The following HTR2C variants were observed in gnomAD, a reference collection of about 807,000 sequenced individuals.
HTR2C encodes the protein 5-hydroxytryptamine (serotonin) receptor 2C, G protein-coupled.
Under a neutral mutation model 21.0 loss-of-function variants are expected in HTR2C, and 5 were observed. The ratio of observed to expected loss-of-function variants is 0.24; its 90% confidence interval spans 0.12 to 0.50. The LOEUF (loss-of-function observed/expected upper bound fraction) is 0.50, where lower values mean the gene tolerates loss of function less well. Among genes scored for constraint, HTR2C ranks in the 20% least tolerant of loss-of-function variants. The pLI, the probability that HTR2C is intolerant of heterozygous loss-of-function variation, is 0.98. For missense variants in HTR2C, 271 were observed against 371.2 expected, an observed-to-expected ratio of 0.73 and a Z score of 2.22; for synonymous variants, 150 against 145.3, an observed-to-expected ratio of 1.03 and a Z score of -0.23.
At chrX:114,738,076 T>A (rs2069608586) in intron 4 of HTR2C, among the ~76,000 whole-genome samples, 1 of 111,696 alleles carries the variant, frequency 9.0e-6, no homozygotes, top group African/African-American at 3.3e-5. Flanking sequence ...AAACTCAAAG[T>A]TGTAGAAGCA....
At position 114,659,380 on chromosome X, in the gene HTR2C, A is replaced by G. The variant is rs782700897; in HGVS notation, c.-80+45499A>G. 2.5e-4 allele frequency among the ~76,000 whole-genome samples: 28 copies of G among 111,751 alleles called. 1 individual carries two copies. The highest frequency in any genetic ancestry group is 1.5e-3 in the Admixed American group (16 of 10,443). ...AAGTAATCAAGGTTATAACAGTGAC[A>G]GTTTTTATGCTCATCCCATCTCCTC... On this transcript the variant is annotated intron_variant, in intron 2 of 5. Coordinates refer to ENST00000276198, the MANE Select transcript of HTR2C (RefSeq NM_000868.4).
chrX:114,845,495 A>G (rs2070866885), intron 4 of HTR2C, among the ~76,000 whole-genome samples: 1 of 111,204 alleles, frequency 9.0e-6, no homozygotes, highest in Non-Finnish European at 1.9e-5. Flanking sequence ...AACTCACAAA[A>G]TAACTGAAAT....
At position 114,882,501 on chromosome X, in the gene HTR2C, G is replaced by A. The variant is rs138061846; in HGVS notation, c.551-24088G>A. Among the ~76,000 whole-genome samples, 304 of 110,774 alleles carry A rather than the reference G, an allele frequency of 2.7e-3. 2 individuals carry two copies. The highest frequency in any genetic ancestry group is 4.8e-3 in the Non-Finnish European group (250 of 52,381). ...TTTCATAAACGCCCTTTACCAAGTT[G>A]ATGAGTTTCCTTCTATTTCTATGTT... is the stretch of plus-strand genomic sequence containing the variant. On this transcript the variant is annotated intron_variant, in intron 5 of 5. Coordinates refer to ENST00000276198, the MANE Select transcript of HTR2C (RefSeq NM_000868.4).
chrX:114,626,509 C>T (rs782136088), intron 2 of HTR2C, among the ~76,000 whole-genome samples: 1 of 112,178 alleles, frequency 8.9e-6, no homozygotes, highest in Admixed American at 9.4e-5. Flanking sequence ...CACCAGGTGG[C>T]TACAGAGTTA....
chrX:114,703,336 A>G (rs1414773002), intron 2 of HTR2C, among the ~76,000 whole-genome samples: 7 of 110,149 alleles, frequency 6.4e-5, no homozygotes, highest in Admixed American at 4.9e-4. Flanking sequence ...CAAATGTAAA[A>G]GAACAGAAAT....
At chrX:114,750,825 A>G (rs1225850276) in intron 4 of HTR2C, among the ~76,000 whole-genome samples, 1 of 112,272 alleles carries the variant, frequency 8.9e-6, no homozygotes, top group Non-Finnish European at 1.9e-5. Context: ...AAACCTAAGT[A>G]AATACCTACA....
chrX:114,697,297 C>A (rs1307162417), intron 2 of HTR2C, among the ~76,000 whole-genome samples: 1 of 112,373 alleles, frequency 8.9e-6, no homozygotes, highest in Non-Finnish European at 1.9e-5. Flanking sequence ...CTTGTGCCAC[C>A]AATCTAGCAA....
At chrX:114,781,323 C>CA (rs2070114814) in intron 4 of HTR2C, among the ~76,000 whole-genome samples, 2 of 110,220 alleles carry the variant, frequency 1.8e-5, no homozygotes, top group Non-Finnish European at 3.8e-5. Context: ...GCTGACTCTA[C>CA]AAAAAAATTA....
intron 2 of HTR2C, among the ~76,000 whole-genome samples, chrX:114,701,452 G>C (rs1345679530): frequency 9.0e-6 from 1 of 111,686 alleles, no homozygotes; most frequent in African/African-American, 3.3e-5. Context: ...AGGCAAACAG[G>C]GTCTGGAGTG....
At chrX:114,652,204 T>C (rs199775709) in intron 2 of HTR2C, among the ~76,000 whole-genome samples, 1 of 111,865 alleles carries the variant, frequency 8.9e-6, no homozygotes, top group Non-Finnish European at 1.9e-5. Context: ...CCTAGACTGT[T>C]AGAATGATTT....
intron 5 of HTR2C, among the ~76,000 whole-genome samples, chrX:114,856,461 G>GA (rs1266060273): frequency 1.0e-5 from 1 of 100,353 alleles, no homozygotes; most frequent in African/African-American, 3.6e-5. Context: ...CACAGAATTG[G>GA]AAAAAACTAC....
At chrX:114,710,925 A>C (rs1556419117) in intron 2 of HTR2C, among the ~76,000 whole-genome samples, 1 of 111,737 alleles carries the variant, frequency 8.9e-6, no homozygotes, top group Non-Finnish European at 1.9e-5. Context: ...TGAGCTGGAT[A>C]CTTGATTCAT....
rs2071390504 is a variant in HTR2C, at chrX:114,908,299, TG to T, written c.*886del. 1 of 112,404 alleles carries T rather than the reference TG, an allele frequency of 8.9e-6. No homozygotes were observed. The highest frequency in any genetic ancestry group is 9.5e-5 in the Admixed American group (1 of 10,568). The allele number at this position is 112,404 out of a possible 1,213,427, so 9.3% of individuals were successfully genotyped here. ...CAATTGGGTTTTGATCTCAGCATCC[TG>T]GAAATTTGTGTGCTTCACACAAAGT... On this transcript the variant is annotated 3_prime_UTR_variant, in exon 6 of 6. Transcript: ENST00000276198.
rs1556468166 is a variant in HTR2C at position 114,848,099 on chromosome X, C to T, written c.446C>T (p.Ser149Leu). 1 of 1,208,286 alleles carries T rather than the reference C, an allele frequency of 8.3e-7. No individual in the cohort carries two copies. The highest frequency in any genetic ancestry group is 1.1e-6 in the Non-Finnish European group (1 of 892,235). ...TCCATCATGCACCTCTGCGCTATAT[C>T]GCTGGATCGGTATGTAGCAATACGT... ...TASIMHLCAISLDRYVAIRNP... is the reference protein window; with the variant it reads ...TASIMHLCAILLDRYVAIRNP... The change falls in exon 5 of 6, where the codon TCG (serine) becomes TTG (leucine). Residue 149 changes from serine (S) to leucine (L), a missense_variant. By Grantham distance (145) the Ser-to-Leu change is moderately radical. Around this residue, in one of 5 missense-constraint regions of HTR2C, gnomAD observed 4 missense variants for 24.7 expected, o/e 0.16. Coordinates refer to ENST00000276198, the MANE Select transcript of HTR2C (RefSeq NM_000868.4).
At chrX:114,690,181 C>T (rs1312962547) in intron 2 of HTR2C, among the ~76,000 whole-genome samples, 3 of 111,232 alleles carry the variant, frequency 2.7e-5, no homozygotes, top group Non-Finnish European at 5.7e-5. Context: ...AGAGCAATAA[C>T]GATGATAGTG....
intron 4 of HTR2C, among the ~76,000 whole-genome samples, chrX:114,777,230 GT>G (rs2070067755): frequency 9.0e-6 from 1 of 111,360 alleles, no homozygotes; most frequent in Non-Finnish European, 1.9e-5. Flanking sequence ...TTATATTTAT[GT>G]TCTAAGACAT....
chrX:114,725,516 C>G (rs782217028), intron 2 of HTR2C, among the ~76,000 whole-genome samples: 3 of 112,164 alleles, frequency 2.7e-5, no homozygotes, highest in African/African-American at 9.7e-5. Flanking sequence ...TCTCTCAGCT[C>G]GTCAAAGTCA....
At chrX:114,804,540 T>G (rs890186971) in intron 4 of HTR2C, among the ~76,000 whole-genome samples, 84 of 111,999 alleles carry the variant, frequency 7.5e-4, no homozygotes, top group African/African-American at 2.6e-3. Context: ...ATATGGATTC[T>G]GGAGTAAGAT....
intron 4 of HTR2C, among the ~76,000 whole-genome samples, chrX:114,814,227 A>G (rs1420297844): frequency 2.7e-5 from 3 of 110,755 alleles, no homozygotes; most frequent in African/African-American, 9.9e-5. Flanking sequence ...CAGACCTCAA[A>G]GTAACCTAAT....
Sources: allele counts gnomAD v4.1 joint callset (sites outside exome capture counted in the v4.1 genomes callset), GRCh38; gene constraint gnomAD v4.1.1; regional missense constraint gnomAD v4.1.1; transcripts MANE v1.5; gene names NCBI Gene and HGNC (gene_info 2026-07-23, HGNC 2026-07-21).